Variants in CERS3 observed in about 807,000 individuals in gnomAD.
CERS3 encodes LAG1 homolog, ceramide synthase 3.
CERS3 carries 33 observed loss-of-function variants against 50.3 expected under a neutral mutation model. That is an observed-to-expected ratio of 0.66 (90% CI 0.50 to 0.88). The LOEUF is 0.88. CERS3 is among the 40% of genes least tolerant of loss of function. The pLI is 0.00. For synonymous variants in CERS3, 176 were observed against 155.2 expected, an observed-to-expected ratio of 1.13 and a Z score of -0.99; for missense variants, 470 against 460.3, an observed-to-expected ratio of 1.02 and a Z score of -0.19.
intron 11 of CERS3, among the ~76,000 whole-genome samples, chr15:100,419,867 A>T (rs1453740535): frequency 6.8e-6 from 1 of 147,722 alleles, no homozygotes; most frequent in Non-Finnish European, 1.5e-5. Flanking sequence ...AGAAATAAAG[A>T]TGTTCTTTGA....
rs552224176 is a variant in CERS3, at chr15:100,444,341, G to A, written c.999+11552C>T. 7.5e-4 allele frequency among the ~76,000 whole-genome samples: 109 copies of A among 146,124 alleles called. 1 individual carries two copies. The highest frequency in any genetic ancestry group is 2.6e-3 in the African/African-American group (101 of 39,314). ...TCTCCCACAATTACCATTGTTCCTG[G>A]CCCGGACTTCAATCCGGCCTCCCAC... On this transcript the variant is annotated intron_variant, in intron 11 of 11. Transcript: ENST00000679737.
At chr15:100,522,372 T>G (rs1194013331) in intron 1 of CERS3, among the ~76,000 whole-genome samples, 1 of 152,250 alleles carries the variant, frequency 6.6e-6, no homozygotes. Flanking sequence ...GGTGCAGTCC[T>G]GGTATCAGTA....
chr15:100,537,757 T>C (rs1463570910), intron 1 of CERS3, among the ~76,000 whole-genome samples: 1 of 152,206 alleles, frequency 6.6e-6, no homozygotes, highest in African/African-American at 2.4e-5. Context: ...CATCTGCCCA[T>C]GGCCCCTCCC....
At chr15:100,468,507 G>T (rs2034858778) in intron 10 of CERS3, among the ~76,000 whole-genome samples, 1 of 152,158 alleles carries the variant, frequency 6.6e-6, no homozygotes, top group Non-Finnish European at 1.5e-5. Context: ...CCAGCCAAGG[G>T]TGCTGTCTAT....
upstream of CERS3, among the ~76,000 whole-genome samples, chr15:100,531,345 A>G (rs2036934521): frequency 6.6e-6 from 1 of 151,804 alleles, no homozygotes; most frequent in African/African-American, 2.4e-5. Flanking sequence ...AAATGAGGCT[A>G]TTGCACAACT....
At chr15:100,416,287 A>G (rs1478730106) in intron 11 of CERS3, among the ~76,000 whole-genome samples, 1 of 152,192 alleles carries the variant, frequency 6.6e-6, no homozygotes, top group African/African-American at 2.4e-5. Context: ...AAAAGCAGAC[A>G]CAGAAACAAT....
chr15:100,473,394 A>G (rs1038941102), intron 8 of CERS3, among the ~76,000 whole-genome samples: 2 of 152,236 alleles, frequency 1.3e-5, no homozygotes, highest in Non-Finnish European at 2.9e-5. Context: ...AAGAAAAAAA[A>G]GATTGATATA....
chr15:100,402,077 C>G lies in CERS3; in HGVS notation c.*636G>C, dbSNP rs1205506305. 6.6e-6 allele frequency: 1 copy of G among 152,272 alleles called. No homozygotes were observed. Among genetic ancestry groups the G allele is most frequent in the Non-Finnish European group, 1.5e-5 (1 of 68,094 alleles). 9.4% of individuals were successfully genotyped at this position (152,272 alleles called of 1,614,324 possible). Reference sequence around the variant, plus strand: ...GTGCCATGTTTAGCCAGGTTTCTGTCTCCCAAACAGTGCAAAGTGGGTTGG... The same window carrying G: ...GTGCCATGTTTAGCCAGGTTTCTGTGTCCCAAACAGTGCAAAGTGGGTTGG... On this transcript the variant is annotated 3_prime_UTR_variant, in exon 12 of 12. Coordinates refer to ENST00000679737, the MANE Select transcript of CERS3 (RefSeq NM_001378789.1).
intron 8 of CERS3, among the ~76,000 whole-genome samples, chr15:100,473,735 C>G (rs2035040096): frequency 6.6e-6 from 1 of 152,232 alleles, no homozygotes; most frequent in Non-Finnish European, 1.5e-5. Context: ...GTTAAACAGT[C>G]TGACAGTTTC....
intron 10 of CERS3, among the ~76,000 whole-genome samples, chr15:100,468,007 T>C (rs950505133): frequency 2.0e-5 from 3 of 151,712 alleles, no homozygotes; most frequent in Admixed American, 2.0e-4. Context: ...ACTATAGGCA[T>C]GCACCACCAT....
At position 100,441,777 on chromosome 15, in the gene CERS3, C is replaced by T. The variant is rs542213995; in HGVS notation, c.999+14116G>A. On this transcript the variant is annotated intron_variant, in intron 11 of 11. Transcript: ENST00000679737. ...GCAAACGGTCTGAGGTGCCTGACGTCCAGGCATTCTTTTACACATCAGTCC... is the reference window on the plus strand; with the variant it reads ...GCAAACGGTCTGAGGTGCCTGACGTTCAGGCATTCTTTTACACATCAGTCC... Among the ~76,000 whole-genome samples the T allele has an allele frequency of 9.5e-4, 139 of 145,834 alleles. 1 individual carries two copies. Among genetic ancestry groups the T allele is most frequent in the African/African-American group, 3.4e-3 (136 of 39,698 alleles).
intron 11 of CERS3, among the ~76,000 whole-genome samples, chr15:100,441,117 C>T (rs1415227919): frequency 6.6e-6 from 1 of 152,098 alleles, no homozygotes; most frequent in Non-Finnish European, 1.5e-5. Flanking sequence ...TATCTCTGCG[C>T]CCTGATCCCT....
intron 4 of CERS3, among the ~76,000 whole-genome samples, chr15:100,489,834 T>C (rs1346020557): frequency 6.6e-6 from 1 of 152,206 alleles, no homozygotes; most frequent in East Asian, 1.9e-4. Flanking sequence ...GCAGAACAAG[T>C]TAGAGCCAGC....
intron 11 of CERS3, among the ~76,000 whole-genome samples, chr15:100,417,550 C>G (rs951156667): frequency 1.3e-5 from 2 of 151,914 alleles, no homozygotes; most frequent in African/African-American, 2.4e-5. Flanking sequence ...ATAAAGCAGC[C>G]TGGAAGCTCG....
intron 2 of CERS3, among the ~76,000 whole-genome samples, chr15:100,506,764 A>G (rs1423566843): frequency 6.6e-6 from 1 of 152,222 alleles, no homozygotes. Flanking sequence ...AGTGAGGTAA[A>G]GCAGAAGTGG....
At chr15:100,524,902 A>T (rs1028734764) in intron 1 of CERS3, among the ~76,000 whole-genome samples, 2 of 152,142 alleles carry the variant, frequency 1.3e-5, no homozygotes, top group African/African-American at 4.8e-5. Context: ...AAACAAATAG[A>T]CCTTATCCCA....
intron 10 of CERS3, among the ~76,000 whole-genome samples, chr15:100,460,299 T>G (rs2034508190): frequency 6.6e-6 from 1 of 152,182 alleles, no homozygotes; most frequent in African/African-American, 2.4e-5. Context: ...CCTACCTTAT[T>G]TATTCAATAA....
intron 1 of CERS3, among the ~76,000 whole-genome samples, chr15:100,534,567 C>G (rs2037026369): frequency 6.6e-6 from 1 of 150,812 alleles, no homozygotes; most frequent in African/African-American, 2.4e-5. Context: ...TTAGGGCAAA[C>G]CTGCCTCCCA....
intron 2 of CERS3, among the ~76,000 whole-genome samples, chr15:100,514,508 T>C (rs1489806937): frequency 6.6e-6 from 1 of 152,082 alleles, no homozygotes; most frequent in African/African-American, 2.4e-5. Context: ...AACATAAAAC[T>C]GGACACAATT....
Sources: gnomAD v4.1 joint callset for allele counts (sites outside exome capture counted in the v4.1 genomes callset) on GRCh38, gnomAD v4.1.1 for gene constraint, MANE v1.5 for transcripts, NCBI Gene and HGNC (gene_info 2026-07-23, HGNC 2026-07-21) for gene names.